Variants in HEBP1 observed in about 807,000 individuals in gnomAD.
The protein encoded by HEBP1 is heme binding protein 1.
In HEBP1, 13 loss-of-function variants were observed where a neutral mutation model predicts 20.4. The observed-to-expected ratio is 0.64, with a 90% CI of 0.42 to 1.01. HEBP1 has a LOEUF of 1.01. HEBP1 is among the 50% of genes least tolerant of loss of function. The pLI, the probability that HEBP1 is intolerant of heterozygous loss-of-function variation, is 0.00. For missense variants in HEBP1, 241 were observed against 247.3 expected (o/e 0.97, Z 0.17); for synonymous variants, 92 against 90.7 (o/e 1.01, Z -0.08).
chr12:12,975,224 C>A lies in HEBP1; in HGVS notation c.*84G>T, dbSNP rs1402280774. 2 of 1,329,550 alleles carry A rather than the reference C, an allele frequency of 1.5e-6. No individual in the cohort carries two copies. Among genetic ancestry groups the A allele is most frequent in the South Asian group, 1.3e-5 (1 of 75,266 alleles). 82.4% of individuals were successfully genotyped at this position (1,329,550 alleles called of 1,614,324 possible). ...GGTTAAGTTGGACTTGCAGCTGGAA[C>A]TTGGGAAGCACTGTCCCCTCCTTAC... On this transcript the variant is annotated 3_prime_UTR_variant, in exon 4 of 4. Coordinates refer to ENST00000014930, the MANE Select transcript of HEBP1 (RefSeq NM_015987.5).
rs1863961072 is a variant in HEBP1, at chr12:12,975,200, G to A, written c.*108C>T. On this transcript the variant is annotated 3_prime_UTR_variant, in exon 4 of 4. Coordinates refer to ENST00000014930, the MANE Select transcript of HEBP1 (RefSeq NM_015987.5). ...AGTAACTGACTTTGAAGGAAAGTTG[G>A]TTAAGTTGGACTTGCAGCTGGAACT... 9.5e-7 allele frequency: 1 copy of A among 1,056,966 alleles called. No individual in the cohort carries two copies. Among genetic ancestry groups the A allele is most frequent in the African/African-American group, 1.6e-5 (1 of 62,278 alleles). 65.5% of individuals were successfully genotyped at this position (1,056,966 alleles called of 1,614,324 possible).
chr12:12,982,152 A>T (rs1172335541), intron 3 of HEBP1, among the ~76,000 whole-genome samples: 1 of 152,182 alleles, frequency 6.6e-6, no homozygotes, highest in Non-Finnish European at 1.5e-5. Context: ...AACACTTGTT[A>T]TATTCTAGCC....
At chr12:12,993,486 C>CCTCTCTCTCTCT (rs113869518) in intron 1 of HEBP1, among the ~76,000 whole-genome samples, 7 of 134,910 alleles carry the variant, frequency 5.2e-5, no homozygotes, top group Admixed American at 2.2e-4. Flanking sequence ...TTTTTCTTTT[C>CCTCTCTCTCTCT]CTCTCTCTCT....
Position 12,999,821 on chromosome 12 carries a change from CCCT to C in HEBP1, c.78+213_78+215del, listed in dbSNP as rs549868883. ...TTGGATCAGTCTCTCCTGTTTACCC[CCCT>C]CCTCTCACCACCGGCTGCAGGGGGA... On this transcript the variant is annotated intron_variant, in intron 1 of 3. Coordinates refer to ENST00000014930, the MANE Select transcript of HEBP1 (RefSeq NM_015987.5). Among the ~76,000 whole-genome samples the C allele has an allele frequency of 2.2e-4, 33 of 152,364 alleles. No individual in the cohort carries two copies. The East Asian group carries it at 3.7e-3, about 17-fold the overall frequency.
intron 1 of HEBP1, among the ~76,000 whole-genome samples, chr12:12,990,142 ACACACACAAAC>A (rs1470638063): frequency 1.4e-5 from 2 of 147,602 alleles, no homozygotes; most frequent in Non-Finnish European, 3.0e-5. Context: ...ACACACACAC[ACACACACAAAC>A]ACACACACAT....
intron 3 of HEBP1, chr12:12,984,258 A>T (rs850927): frequency 0.48 from 74,276 of 154,174 alleles, 19,190 homozygotes; most frequent in Non-Finnish European, 0.6. Context: ...TGCAGGTAAT[A>T]AAAGAAGAAG....
intron 3 of HEBP1, among the ~76,000 whole-genome samples, chr12:12,981,817 T>C (rs890068144): frequency 4.6e-5 from 7 of 152,114 alleles, no homozygotes; most frequent in Non-Finnish European, 1.0e-4. Flanking sequence ...TCTGATGGGA[T>C]GGCAAGACAT....
At chr12:12,989,543 T>G in intron 1 of HEBP1, 128 bp from the exon 2 acceptor site, 1 of 753,088 alleles carries the variant, frequency 1.3e-6, no homozygotes, top group Non-Finnish European at 2.2e-6. Context: ...GGGACAGGCC[T>G]GAGTATGAAG....
chr12:12,995,336 T>A (rs568763727), intron 1 of HEBP1, among the ~76,000 whole-genome samples: 39 of 152,352 alleles, frequency 2.6e-4, no homozygotes, highest in South Asian at 1.7e-3. Flanking sequence ...ACTGTTTCTC[T>A]TGTTCACCGC....
intron 2 of HEBP1, among the ~76,000 whole-genome samples, chr12:12,988,264 T>C (rs1441338294): frequency 1.3e-5 from 2 of 152,236 alleles, no homozygotes; most frequent in Admixed American, 6.5e-5. Flanking sequence ...TACTGTTTTG[T>C]TATTTTAAAG....
At chr12:12,995,030 C>G (rs1864273965) in intron 1 of HEBP1, among the ~76,000 whole-genome samples, 1 of 152,218 alleles carries the variant, frequency 6.6e-6, no homozygotes, top group African/African-American at 2.4e-5. Context: ...CTCACAGCAC[C>G]TGCTCTGCAG....
chr12:12,999,714 CTG>C (rs1418007039), intron 1 of HEBP1, among the ~76,000 whole-genome samples: 1 of 152,244 alleles, frequency 6.6e-6, no homozygotes, highest in Non-Finnish European at 1.5e-5. Flanking sequence ...ACAAATCAAA[CTG>C]TTCGGAATGT....
chr12:12,983,284 T>C, intron 3 of HEBP1: 1 of 173,642 alleles, frequency 5.8e-6, no homozygotes, highest in East Asian at 1.7e-4. Flanking sequence ...AGTGTGAGGA[T>C]AATTCTATTG....
At chr12:12,994,489 T>C (rs1202798477) in intron 1 of HEBP1, among the ~76,000 whole-genome samples, 1 of 152,136 alleles carries the variant, frequency 6.6e-6, no homozygotes, top group Non-Finnish European at 1.5e-5. Context: ...ATCTATAAAA[T>C]GGCACGAGCA....
Position 12,989,373 on chromosome 12 carries a change from A to G in HEBP1, c.121T>C (p.Phe41Leu). 1.2e-6 allele frequency: 2 copies of G among 1,614,186 alleles called. No individual in the cohort carries two copies. Among genetic ancestry groups the G allele is most frequent in the East Asian group, 2.2e-5 (1 of 44,886 alleles). The stretch of plus-strand genomic sequence containing the variant: ...TTATCTGTCACTTCTACTGTGGCAA[A>G]TTTGCCGCCTTCACAGGCCCTTTCT... ...YEERACEGGK[F>L]ATVEVTDKPV... Residue 41 changes from phenylalanine (F) to leucine (L), a missense_variant, in exon 2 of 4, where the codon TTT (phenylalanine) becomes CTT (leucine). Phe to Leu is a conservative substitution (Grantham distance 22). Transcript: ENST00000014930.
Position 12,989,402 on chromosome 12 carries a change from T to G in HEBP1, c.92A>C (p.Tyr31Ser), listed in dbSNP as rs756678921. The part of the protein sequence containing the change: ...LSKGDKEEVA[Y>S]EERACEGGKF... ...GCCGCCTTCACAGGCCCTTTCTTCATAGGCAACTTCTTCCTAGAGAGAGAG... is the reference window on the plus strand; with the variant it reads ...GCCGCCTTCACAGGCCCTTTCTTCAGAGGCAACTTCTTCCTAGAGAGAGAG... Residue 31 changes from tyrosine (Y) to serine (S), a missense_variant, in exon 2 of 4, where the codon TAT (tyrosine) becomes TCT (serine). Physicochemically the swap from Tyr to Ser is moderately radical, Grantham distance 144. Transcript: ENST00000014930. 6.2e-7 allele frequency: 1 copy of G among 1,614,194 alleles called. No homozygotes were observed. The highest frequency in any genetic ancestry group is 8.5e-7 in the Non-Finnish European group (1 of 1,180,016).
intron 3 of HEBP1, among the ~76,000 whole-genome samples, chr12:12,976,096 A>AAAAC (rs1157308472): frequency 4.8e-4 from 73 of 151,478 alleles, no homozygotes; most frequent in Middle Eastern, 6.8e-3. Context: ...AAAAAAAAAA[A>AAAAC]AAACAAACCA....
intron 3 of HEBP1, chr12:12,983,948 C>A (rs1266613299): frequency 1.6e-5 from 5 of 316,874 alleles, no homozygotes; most frequent in Admixed American, 4.3e-5. Context: ...TCAAAAGGAC[C>A]AACAAACCAA....
chr12:12,976,816 T>A (rs182551825), intron 3 of HEBP1, among the ~76,000 whole-genome samples: 1 of 152,340 alleles, frequency 6.6e-6, no homozygotes, highest in Admixed American at 6.5e-5. Context: ...TCATTGAGGT[T>A]CAAATGAGAG....
Sources: allele counts gnomAD v4.1 joint callset (sites outside exome capture counted in the v4.1 genomes callset), GRCh38; gene constraint gnomAD v4.1.1; transcripts MANE v1.5; gene names NCBI Gene and HGNC (gene_info 2026-07-23, HGNC 2026-07-21).